Variants in FANCA observed in about 807,000 individuals in gnomAD.
FANCA encodes the protein Fanconi anemia group A protein.
FANCA carries 236 observed loss-of-function variants against 194.3 expected under a neutral mutation model. The observed-to-expected ratio is 1.21, with a 90% CI of 1.09 to 1.35. FANCA has a LOEUF of 1.35. Ranked by LOEUF, FANCA falls within the 40% of genes most tolerant of loss-of-function variation. The pLI is 0.00. For synonymous variants in FANCA, 1,014 were observed against 715.8 expected (o/e 1.42, Z -6.65); for missense variants, 2,628 against 1,813.9 (o/e 1.45, Z -8.15).
intron 14 of FANCA, among the ~76,000 whole-genome samples, chr16:89,789,971 G>T (rs369433022): frequency 5.2e-4 from 79 of 152,120 alleles, no homozygotes; most frequent in African/African-American, 1.6e-3. Flanking sequence ...CTCCAGGCGA[G>T]TCTAATGCCC....
chr16:89,809,808 G>A (rs2040805784), intron 5 of FANCA, among the ~76,000 whole-genome samples: 1 of 150,510 alleles, frequency 6.6e-6, no homozygotes, highest in Non-Finnish European at 1.5e-5. Flanking sequence ...AGCCAAGATA[G>A]CACCATTGCA....
chr16:89,809,994 C>G (rs1448604904), intron 5 of FANCA, among the ~76,000 whole-genome samples: 1 of 151,930 alleles, frequency 6.6e-6, no homozygotes, highest in Non-Finnish European at 1.5e-5. Flanking sequence ...CCACTGCACT[C>G]CAGCCTGGGC....
chr16:89,783,417 G>C (rs965992898), intron 15 of FANCA, among the ~76,000 whole-genome samples: 5 of 151,878 alleles, frequency 3.3e-5, no homozygotes, highest in African/African-American at 9.7e-5. Context: ...CGGGCGCGGT[G>C]GTGGGCACCA....
In FANCA at chr16:89,740,037, C is replaced by T. The variant is rs17227361; in HGVS notation, c.3891G>A (p.Lys1297=). 5.0e-4 allele frequency: 815 copies of T among 1,614,212 alleles called. 1 individual carries two copies. The African/African-American group carries it at 9.7e-3, about 19-fold the overall frequency. Residue 1297 remains lysine, a synonymous_variant, in exon 39 of 43, where the codon AAG becomes AAA. Transcript: ENST00000389301. ...AGAGTGCCAGCCAGGATATCTTCCT[C>T]TTCTCTAAACACTCGAGGATTGCTG... ...VCAAILECLE[K]RKISWLALFQ... is the part of the protein sequence containing the mutation.
rs772795390 is a variant in FANCA at position 89,792,599 on chromosome 16, GGGTTTTTGTT to G, written c.1007-62_1007-53del. On this transcript the variant is annotated intron_variant, in intron 11 of 42. Coordinates refer to ENST00000389301, the MANE Select transcript of FANCA (RefSeq NM_000135.4). ...TTCAAGTCAGAGATCAAAAAGTTGT[GGGTTTTTGTT>G]AAGGACCAGCCCCACAGGGTCGGTG... The G allele has an allele frequency of 3.3e-6, 5 of 1,536,496 alleles. No homozygotes were observed. The Admixed American group carries it at 9.2e-5, about 28-fold the overall frequency.
intron 32 of FANCA, among the ~76,000 whole-genome samples, chr16:89,749,361 C>T (rs1030673880): frequency 1.3e-5 from 2 of 152,106 alleles, no homozygotes; most frequent in East Asian, 1.9e-4. Context: ...TACAGGTGCC[C>T]GCCACCACAC....
Position 89,803,287 on chromosome 16 carries a change from C to A in FANCA, c.764G>T (p.Arg255Ile). ...CGGCATTTTTTCAGGCTCCACAGTT[C>A]TTCTCAGATCTGAGTTTTTCTGAAA... ...RGFQKNSDLR[R>I]TVEPEKMPQV... Residue 255 changes from arginine (R) to isoleucine (I), a missense_variant, in exon 8 of 43, where the codon AGA (arginine) becomes ATA (isoleucine). Transcript: ENST00000389301. 1.2e-6 allele frequency: 2 copies of A among 1,614,022 alleles called. No individual in the cohort carries two copies. The highest frequency in any genetic ancestry group is 1.7e-6 in the Non-Finnish European group (2 of 1,179,976).
At position 89,805,398 on chromosome 16, in the gene FANCA, GACAC is replaced by G. The variant is rs751501568; in HGVS notation, c.597-10_597-7del. On this transcript the variant is annotated splice_polypyrimidine_tract_variant and splice_region_variant and intron_variant, in intron 6 of 42. Coordinates refer to ENST00000389301, the MANE Select transcript of FANCA (RefSeq NM_000135.4). ...CAGCATGCATGTCGGGATGGCTGGA[GACAC>G]ACACAGAGGCAGACGTAAGGCTCAA... is the stretch of plus-strand genomic sequence containing the variant. 6.2e-7 allele frequency: 1 copy of G among 1,606,156 alleles called. No homozygotes were observed. Among genetic ancestry groups the G allele is most frequent in the Admixed American group, 1.7e-5 (1 of 59,924 alleles).
chr16:89,814,897 C>A (rs1270362835), intron 2 of FANCA, among the ~76,000 whole-genome samples: 1 of 151,984 alleles, frequency 6.6e-6, no homozygotes, highest in Non-Finnish European at 1.5e-5. Flanking sequence ...GCCGAGATCA[C>A]CCCACTGCAT....
intron 37 of FANCA, 62 bp downstream of exon 37, chr16:89,742,738 A>G: frequency 6.3e-7 from 1 of 1,592,970 alleles, no homozygotes; most frequent in Non-Finnish European, 8.6e-7. Flanking sequence ...GCCCAGAGAA[A>G]TAGCACTGAT....
chr16:89,758,274 A>G (rs535643771), intron 30 of FANCA, among the ~76,000 whole-genome samples: 11 of 152,368 alleles, frequency 7.2e-5, no homozygotes, highest in African/African-American at 2.6e-4. Flanking sequence ...TACTTTGCAT[A>G]CCAAAATTGG....
intron 18 of FANCA, 119 bp from the exon 19 acceptor site, chr16:89,779,122 T>C: frequency 3.3e-6 from 3 of 897,556 alleles, no homozygotes; most frequent in Non-Finnish European, 5.4e-6. Context: ...CCACGATGCA[T>C]TATGAAGTCT....
chr16:89,762,674 G>C (rs2143267247), intron 28 of FANCA: 1 of 364,880 alleles, frequency 2.7e-6, no homozygotes, highest in South Asian at 1.9e-5. Context: ...TGTTGCCCAG[G>C]CTGGAGTGTG....
In FANCA at chr16:89,750,475, T is replaced by C. The variant is rs2038547585; in HGVS notation, c.3067-573A>G. Among the ~76,000 whole-genome samples the C allele has an allele frequency of 3.6e-5, 4 of 111,460 alleles. No individual in the cohort carries two copies. In the South Asian group the frequency reaches 8.8e-4, roughly 24 times the overall value. The allele number at this position is 111,460 out of a possible 152,430, so 73.1% of individuals were successfully genotyped here. ...TTCAGACTGGGCAACAGAGTGAGACTCCGTCTCAAAAAAAAACAAACAAAA... is the reference window on the plus strand; with the variant it reads ...TTCAGACTGGGCAACAGAGTGAGACCCCGTCTCAAAAAAAAACAAACAAAA... On this transcript the variant is annotated intron_variant, in intron 31 of 42. Transcript: ENST00000389301.
At chr16:89,768,197 C>T (rs2039196292) in intron 26 of FANCA, among the ~76,000 whole-genome samples, 2 of 152,106 alleles carry the variant, frequency 1.3e-5, no homozygotes, top group East Asian at 3.9e-4. Flanking sequence ...AAGATCACTT[C>T]AGCCTGGGGG....
At chr16:89,762,997 C>T (rs1202592691) in intron 28 of FANCA, among the ~76,000 whole-genome samples, 1 of 150,470 alleles carries the variant, frequency 6.6e-6, no homozygotes, top group African/African-American at 2.4e-5. Flanking sequence ...CCTGTAATCC[C>T]AGCACTTTGG....
Position 89,791,955 on chromosome 16 carries a change from G to A in FANCA, c.1197C>T (p.Cys399=), listed in dbSNP as rs771059502. 5.6e-6 allele frequency: 9 copies of A among 1,614,186 alleles called. No homozygotes were observed. Among genetic ancestry groups the A allele is most frequent in the Non-Finnish European group, 7.6e-6 (9 of 1,180,034 alleles). The part of the protein sequence containing the change: ...VLSFVSALVV[C]FPEAQQLLED... ...CAAGCAGCTGCTGCGCTTCTGGAAA[G>A]CAGACAACCAGGGCAGACACAAAGG... is the stretch of plus-strand genomic sequence containing the variant. Residue 399 remains cysteine, a synonymous_variant, in exon 13 of 43, where the codon TGC becomes TGT. Transcript: ENST00000389301.
intron 14 of FANCA, among the ~76,000 whole-genome samples, chr16:89,787,881 A>AT (rs932994618): frequency 5.3e-5 from 8 of 149,694 alleles, no homozygotes; most frequent in East Asian, 4.0e-4. Flanking sequence ...AAAAAAAAAA[A>AT]TTTTTTTTTT....
At chr16:89,752,076 A>G in intron 31 of FANCA, 62 bp downstream of exon 31, 1 of 1,480,410 alleles carries the variant, frequency 6.8e-7, no homozygotes, top group Non-Finnish European at 9.4e-7. Flanking sequence ...GGCAATAAAT[A>G]TCTTAATAGC....
Sources: gnomAD v4.1 joint callset for allele counts (sites outside exome capture counted in the v4.1 genomes callset) on GRCh38, gnomAD v4.1.1 for gene constraint, MANE v1.5 for transcripts, NCBI Gene and HGNC (gene_info 2026-07-23, HGNC 2026-07-21) for gene names.